COL11A1: variants seen among roughly 807,000 people sequenced by gnomAD.
COL11A1 encodes collagen alpha-1(XI) chain.
A neutral mutation model predicts 265.2 loss-of-function variants in COL11A1; 74 were observed. The ratio of observed to expected loss-of-function variants is 0.28; its 90% CI spans 0.23 to 0.34. The LOEUF is 0.34. COL11A1 is among the 10% of genes least tolerant of loss of function. The probability of loss-of-function intolerance (pLI) is 1.00; values close to 1 mark genes in which losing one functional copy is unlikely to be tolerated. For synonymous variants in COL11A1, 816 were observed against 727.6 expected, an observed-to-expected ratio of 1.12 and a Z score of -1.96; for missense variants, 2,165 against 2,263.6, an observed-to-expected ratio of 0.96 and a Z score of 0.88.
intron 1 of COL11A1, among the ~76,000 whole-genome samples, chr1:103,087,280 T>C (rs140500713): frequency 9.9e-5 from 15 of 152,272 alleles, no homozygotes; most frequent in African/African-American, 3.4e-4. Flanking sequence ...TACCTATAGG[T>C]TTATTAAACG....
chr1:102,987,817 G>T (rs892771601), intron 29 of COL11A1, 77 bp from the exon 30 acceptor site: 1 of 1,059,526 alleles, frequency 9.4e-7, no homozygotes, highest in Non-Finnish European at 1.5e-6. Context: ...AATTATGACA[G>T]TGAAAGAGAT....
At chr1:102,972,258 A>C (rs1662041803) in intron 36 of COL11A1, among the ~76,000 whole-genome samples, 1 of 152,170 alleles carries the variant, frequency 6.6e-6, no homozygotes, top group Non-Finnish European at 1.5e-5. Context: ...TAAATGATGT[A>C]CTTTGCCACT....
intron 15 of COL11A1, 127 bp from the exon 16 acceptor site, chr1:103,006,442 A>C (rs938892590): frequency 5.4e-6 from 3 of 550,520 alleles, no homozygotes; most frequent in Non-Finnish European, 3.0e-6. Context: ...AAACACAAGA[A>C]AATTATTTCC....
At chr1:102,951,618 T>C (rs913388566) in intron 41 of COL11A1, among the ~76,000 whole-genome samples, 8 of 152,040 alleles carry the variant, frequency 5.3e-5, no homozygotes, top group African/African-American at 1.9e-4. Flanking sequence ...TGGTAGGTGA[T>C]AGTCCCAGCT....
intron 24 of COL11A1, chr1:103,001,389 A>G: frequency 2.5e-6 from 1 of 399,744 alleles, no homozygotes; most frequent in Non-Finnish European, 4.4e-6. Context: ...TACAGGGGAC[A>G]AAATATTACT....
At chr1:103,062,627 A>C (rs1670760326) in intron 4 of COL11A1, among the ~76,000 whole-genome samples, 1 of 152,040 alleles carries the variant, frequency 6.6e-6, no homozygotes, top group Non-Finnish European at 1.5e-5. Flanking sequence ...GCATTCATTC[A>C]TGATTTTAAA....
At chr1:103,044,586 A>G (rs572188494) in intron 4 of COL11A1, among the ~76,000 whole-genome samples, 99 of 152,272 alleles carry the variant, frequency 6.5e-4, no homozygotes, top group Non-Finnish European at 1.1e-3. Flanking sequence ...ATAACTACCA[A>G]TATGGCTCTA....
rs77713323 is a variant in COL11A1, at chr1:103,074,557, T to C, written c.651+61A>G. ...TATTGCTATAAAGCGATATTTTTAC[T>C]GTTGTTAACCCAGTTCATCTGATTT... On this transcript the variant is annotated intron_variant, in intron 4 of 66. Transcript: ENST00000370096. 2.7e-3 allele frequency: 4,220 copies of C among 1,579,630 alleles called. 92 individuals are homozygous for C. The African/African-American group carries it at 0.05, about 19-fold the overall frequency.
In COL11A1 at chr1:102,977,766, G is replaced by A. The variant is rs531107521; in HGVS notation, c.2754+942C>T. 1.7e-3 allele frequency among the ~76,000 whole-genome samples: 256 copies of A among 152,046 alleles called. 1 individual carries two copies. The highest frequency in any genetic ancestry group is 0.01 in the Middle Eastern group (3 of 294). ...AGACTTAATTTGGGAACAGTTCATC[G>A]AGAGTGAGAAACATTTAGCGGAAAA... On this transcript the variant is annotated intron_variant, in intron 35 of 66. Coordinates refer to ENST00000370096, the MANE Select transcript of COL11A1 (RefSeq NM_001854.4).
chr1:102,998,311 G>GGA lies in COL11A1; in HGVS notation c.2193_2194dup (p.Pro732LeufsTer34), dbSNP rs745956910. On this transcript the variant is annotated frameshift_variant and splice_region_variant, in exon 25 of 67. Coordinates refer to ENST00000370096, the MANE Select transcript of COL11A1 (RefSeq NM_001854.4). LOFTEE classifies it high-confidence loss of function. Reference sequence around the variant, plus strand: ...AATGACCAGGTAGCTGTTACTTACAGGAGGCCCATCAGCACCAGGAAGTCC... The same window carrying GGA: ...AATGACCAGGTAGCTGTTACTTACAGGAGAGGCCCATCAGCACCAGGAAGTCC... 1.2e-6 allele frequency: 2 copies of GGA among 1,606,628 alleles called. No individual in the cohort carries two copies. The highest frequency in any genetic ancestry group is 3.3e-5 in the Admixed American group (2 of 59,748).
At chr1:102,952,113 T>G (rs2101476260) in intron 41 of COL11A1, among the ~76,000 whole-genome samples, 1 of 150,162 alleles carries the variant, frequency 6.7e-6, no homozygotes, top group Middle Eastern at 3.4e-3. Flanking sequence ...ATACTATTTT[T>G]TTTTGAGATG....
chr1:102,947,627 C>T (rs1659435831), intron 41 of COL11A1, among the ~76,000 whole-genome samples: 1 of 151,608 alleles, frequency 6.6e-6, no homozygotes, highest in East Asian at 1.9e-4. Context: ...AACTGAGTTT[C>T]AAAAAAGATG....
At chr1:102,886,619 A>G (rs1651013879) in intron 63 of COL11A1, among the ~76,000 whole-genome samples, 188 bp downstream of exon 63, 1 of 152,206 alleles carries the variant, frequency 6.6e-6, no homozygotes, top group Admixed American at 6.5e-5. Flanking sequence ...TTTAACAGAC[A>G]AGGATTTTCC....
intron 15 of COL11A1, among the ~76,000 whole-genome samples, chr1:103,007,782 C>T (rs1244889838): frequency 6.6e-6 from 1 of 151,326 alleles, no homozygotes; most frequent in Non-Finnish European, 1.5e-5. Context: ...ATCCTTTGAA[C>T]CCAGGAGGCA....
At chr1:102,974,006 A>T (rs1271773680) in intron 36 of COL11A1, among the ~76,000 whole-genome samples, 1 of 152,194 alleles carries the variant, frequency 6.6e-6, no homozygotes, top group African/African-American at 2.4e-5. Context: ...GTGTTTTAAA[A>T]TATAGACTTG....
intron 35 of COL11A1, among the ~76,000 whole-genome samples, chr1:102,976,469 T>G (rs1662506142): frequency 6.6e-6 from 1 of 151,914 alleles, no homozygotes; most frequent in Non-Finnish European, 1.5e-5. Context: ...CAGCTAATTT[T>G]TGTGCTTTTA....
rs2622859 is a variant in COL11A1, at chr1:102,987,010, A to G, written c.2502+623T>C. Among the ~76,000 whole-genome samples, 467 of 152,240 alleles carry G rather than the reference A, an allele frequency of 3.1e-3. 3 individuals carry two copies. Among genetic ancestry groups the G allele is most frequent in the African/African-American group, 0.011 (449 of 41,570 alleles). ...AATAAAAGATGATTCTACTTGGTGTAAAACCTTAAGTAGAACCTCTTTCAT... is the reference window on the plus strand; with the variant it reads ...AATAAAAGATGATTCTACTTGGTGTGAAACCTTAAGTAGAACCTCTTTCAT... On this transcript the variant is annotated intron_variant, in intron 30 of 66. Transcript: ENST00000370096.
chr1:102,890,589 T>A, intron 57 of COL11A1, 85 bp from the exon 58 acceptor site: 1 of 1,169,136 alleles, frequency 8.6e-7, no homozygotes, highest in Non-Finnish European at 1.2e-6. Flanking sequence ...CAGACCTAGT[T>A]TAGTTTTGAA....
chr1:102,903,622 A>G (rs1653510706), intron 54 of COL11A1, among the ~76,000 whole-genome samples: 1 of 152,220 alleles, frequency 6.6e-6, no homozygotes, highest in Non-Finnish European at 1.5e-5. Flanking sequence ...TGTAGAACAG[A>G]TATTACCTTA....
Sources: allele counts gnomAD v4.1 joint callset (sites outside exome capture counted in the v4.1 genomes callset), GRCh38; gene constraint gnomAD v4.1.1; transcripts MANE v1.5; gene names NCBI Gene and HGNC (gene_info 2026-07-23, HGNC 2026-07-21).